CAMKMT: variants seen among roughly 807,000 people sequenced by gnomAD.
CAMKMT encodes calmodulin-lysine N-methyltransferase, also known as CaM KMT.
A neutral mutation model predicts 48.0 loss-of-function variants in CAMKMT; 53 were observed. The ratio of observed to expected loss-of-function variants is 1.10; its 90% CI spans 0.89 to 1.39. The LOEUF (loss-of-function observed/expected upper bound fraction) is 1.39, where lower values mean the gene tolerates loss of function less well. CAMKMT is among the 40% of genes most tolerant of loss of function. The probability of loss-of-function intolerance (pLI) is 0.00; values close to 1 mark genes in which losing one functional copy is unlikely to be tolerated. For synonymous variants in CAMKMT, 165 were observed against 152.3 expected, an observed-to-expected ratio of 1.08 and a Z score of -0.61; for missense variants, 428 against 402.7, an observed-to-expected ratio of 1.06 and a Z score of -0.54.
chr2:44,725,609 A>C (rs1045216246), intron 7 of CAMKMT, among the ~76,000 whole-genome samples: 2 of 152,222 alleles, frequency 1.3e-5, no homozygotes, highest in Admixed American at 6.5e-5. Flanking sequence ...CAAATTAAAG[A>C]TAACGAAAGG....
At chr2:44,588,734 C>T (rs1475297898) in intron 3 of CAMKMT, among the ~76,000 whole-genome samples, 1 of 40,138 alleles carries the variant, frequency 2.5e-5, no homozygotes, top group Non-Finnish European at 5.1e-5. Flanking sequence ...CCGCCCCGTC[C>T]GGGAGGTGAG....
chr2:44,686,648 G>C (rs550753174), intron 3 of CAMKMT, among the ~76,000 whole-genome samples: 1 of 152,132 alleles, frequency 6.6e-6, no homozygotes, highest in African/African-American at 2.4e-5. Flanking sequence ...GAACACGTTT[G>C]AATAAGAAAG....
intron 3 of CAMKMT, among the ~76,000 whole-genome samples, chr2:44,544,116 A>G (rs565281865): frequency 6.6e-6 from 1 of 152,194 alleles, no homozygotes; most frequent in South Asian, 2.1e-4. Context: ...GCTCCCCAAA[A>G]GAGGAGTATG....
chr2:44,395,729 T>A (rs1681772584), intron 3 of CAMKMT, among the ~76,000 whole-genome samples: 1 of 152,170 alleles, frequency 6.6e-6, no homozygotes, highest in African/African-American at 2.4e-5. Flanking sequence ...AAACTGTAAA[T>A]AGTATTTGTA....
intron 3 of CAMKMT, among the ~76,000 whole-genome samples, chr2:44,522,875 C>A (rs147248583): frequency 6.6e-6 from 1 of 152,176 alleles, no homozygotes; most frequent in Non-Finnish European, 1.5e-5. Flanking sequence ...GTAGCACTTC[C>A]AGTGTTCCAC....
intron 9 of CAMKMT, among the ~76,000 whole-genome samples, chr2:44,760,409 G>A (rs1680567656): frequency 6.6e-6 from 1 of 151,878 alleles, no homozygotes; most frequent in African/African-American, 2.4e-5. Flanking sequence ...TGGCCATCGA[G>A]ACCATCCTGG....
In CAMKMT at chr2:44,675,085, GAAA is replaced by G. The variant is rs201919086; in HGVS notation, c.377-29189_377-29187del. On this transcript the variant is annotated intron_variant, in intron 3 of 10. Coordinates refer to ENST00000378494, the MANE Select transcript of CAMKMT (RefSeq NM_024766.5). ...CGGGATTTACCAACCTTAAGGGGGG[GAAA>G]AAAAAAAAGGCAAGCCAGCAAATGA... 9.9e-3 allele frequency among the ~76,000 whole-genome samples: 1,456 copies of G among 146,402 alleles called. 16 individuals carry two copies. Among genetic ancestry groups the G allele is most frequent in the African/African-American group, 0.022 (864 of 39,966 alleles).
At chr2:44,740,461 A>G (rs1679615306) in intron 7 of CAMKMT, among the ~76,000 whole-genome samples, 2 of 152,194 alleles carry the variant, frequency 1.3e-5, no homozygotes, top group Admixed American at 6.5e-5. Flanking sequence ...TAAAGCAAGA[A>G]GCAGGGTCAT....
At chr2:44,682,389 T>C (rs1051230621) in intron 3 of CAMKMT, among the ~76,000 whole-genome samples, 1 of 152,182 alleles carries the variant, frequency 6.6e-6, no homozygotes, top group African/African-American at 2.4e-5. Flanking sequence ...AAAATTTCAT[T>C]GAAGAGAGAT....
chr2:44,564,829 C>T (rs1668525046), intron 3 of CAMKMT, among the ~76,000 whole-genome samples: 1 of 152,198 alleles, frequency 6.6e-6, no homozygotes, highest in East Asian at 1.9e-4. Flanking sequence ...CGTGAGCTAC[C>T]ACACCCGGCC....
intron 4 of CAMKMT, chr2:44,705,486 C>G (rs1368251540): frequency 1.0e-6 from 1 of 985,192 alleles, no homozygotes; most frequent in Non-Finnish European, 1.2e-6. Flanking sequence ...AGCAGTGGGC[C>G]AGGGCGAGAA....
intron 3 of CAMKMT, among the ~76,000 whole-genome samples, chr2:44,541,330 TAGG>T (rs1667093004): frequency 6.6e-6 from 1 of 152,226 alleles, no homozygotes; most frequent in Non-Finnish European, 1.5e-5. Context: ...TGTCTTATAG[TAGG>T]AGATGTCTTT....
chr2:44,657,444 A>G lies in CAMKMT; in HGVS notation c.377-46839A>G, dbSNP rs767074445. 2.0e-5 allele frequency among the ~76,000 whole-genome samples: 3 copies of G among 152,206 alleles called. No homozygotes were observed. The highest frequency in any genetic ancestry group is 4.4e-5 in the Non-Finnish European group (3 of 68,040). ...ATGACTCTTCCACCCTCCCTATGAA[A>G]GGATTGGCAGATCAGAAATTTGGTT... On this transcript the variant is annotated intron_variant, in intron 3 of 10. Transcript: ENST00000378494. The surrounding 1 kb of genome is among the most constrained non-coding windows in gnomAD (Gnocchi z 4.3).
At chr2:44,611,937 G>A (rs1363573161) in intron 3 of CAMKMT, among the ~76,000 whole-genome samples, 1 of 152,004 alleles carries the variant, frequency 6.6e-6, no homozygotes, top group Non-Finnish European at 1.5e-5. Context: ...GATGGTCCAC[G>A]CCATTTGTGA....
chr2:44,380,651 T>A (rs1045830934), intron 2 of CAMKMT, among the ~76,000 whole-genome samples: 1 of 152,246 alleles, frequency 6.6e-6, no homozygotes, highest in East Asian at 1.9e-4. Flanking sequence ...GCAGTTTTCC[T>A]ATAATTAGAA....
At chr2:44,473,209 T>G (rs903339973) in intron 3 of CAMKMT, among the ~76,000 whole-genome samples, 6 of 152,334 alleles carry the variant, frequency 3.9e-5, no homozygotes, top group African/African-American at 1.4e-4. Flanking sequence ...ATATGTTTTT[T>G]TGTGGGCATT....
At chr2:44,410,385 G>A (rs766931014) in intron 3 of CAMKMT, among the ~76,000 whole-genome samples, 2 of 147,492 alleles carry the variant, frequency 1.4e-5, no homozygotes, top group African/African-American at 2.5e-5. Flanking sequence ...AGCCTCCCGA[G>A]TAGCTGGGAC....
chr2:44,393,529 G>C (rs2104423111), intron 3 of CAMKMT: 1 of 152,268 alleles, frequency 6.6e-6, no homozygotes, highest in African/African-American at 2.4e-5. Flanking sequence ...CTAGGAATAG[G>C]TATGTATATT....
intron 3 of CAMKMT, among the ~76,000 whole-genome samples, chr2:44,699,388 A>G (rs535099103): frequency 1.3e-5 from 2 of 152,354 alleles, no homozygotes; most frequent in South Asian, 2.1e-4. Context: ...CTCCTTGCAT[A>G]TCTCCATCAG....
Sources: allele counts gnomAD v4.1 joint callset (sites outside exome capture counted in the v4.1 genomes callset), GRCh38; gene constraint gnomAD v4.1.1; non-coding constraint Gnocchi (gnomAD v3.1); transcripts MANE v1.5; gene names NCBI Gene and HGNC (gene_info 2026-07-23, HGNC 2026-07-21).